ZNG1B: variants seen among roughly 807,000 people sequenced by gnomAD.
ZNG1B encodes Zn regulated GTPase metalloprotein activator 1B.
At chr2:113,494,743 C>T in the ZNG1B span, 1 of 911,726 alleles carries the variant, frequency 1.1e-6, no homozygotes. Flanking sequence ...AACTTCTCAA[C>T]TTTTCCCACT....
At chr2:113,453,374 T>C in the ZNG1B span, among the ~76,000 whole-genome samples, 1 of 152,020 alleles carries the variant, frequency 6.6e-6, no homozygotes, top group Non-Finnish European at 1.5e-5. Context: ...TGCCTCAGCC[T>C]CCCGAGTAGC....
At chr2:113,488,817 A>G in the ZNG1B span, among the ~76,000 whole-genome samples, 2 of 152,122 alleles carry the variant, frequency 1.3e-5, no homozygotes, top group Non-Finnish European at 2.9e-5. Context: ...AATAAAGACA[A>G]AGAAAAAAGA....
chr2:113,493,758 G>A, the ZNG1B span: 1 of 1,423,908 alleles, frequency 7.0e-7, no homozygotes, highest in Non-Finnish European at 9.4e-7. Context: ...GATTTACAGA[G>A]TATTGTTACA....
chr2:113,475,544 G>T, the ZNG1B span, among the ~76,000 whole-genome samples: 3 of 151,360 alleles, frequency 2.0e-5, no homozygotes, highest in Admixed American at 2.0e-4. Flanking sequence ...GATGTTAGCT[G>T]GTTATTTTGC....
At chr2:113,493,332 C>A in the ZNG1B span, among the ~76,000 whole-genome samples, 1 of 127,186 alleles carries the variant, frequency 7.9e-6, no homozygotes, top group Non-Finnish European at 1.7e-5. Flanking sequence ...AAATAGTTAT[C>A]TTCACTCCCC....
chr2:113,482,625 AT>A, the ZNG1B span, among the ~76,000 whole-genome samples: 1 of 62,256 alleles, frequency 1.6e-5, no homozygotes, highest in Non-Finnish European at 3.2e-5. Flanking sequence ...TTAAATAAAA[AT>A]TGACTTGGAG....
chr2:113,445,025 C>CTG, the ZNG1B span: 1 of 1,610,638 alleles, frequency 6.2e-7, no homozygotes, highest in Non-Finnish European at 8.5e-7. Flanking sequence ...TGATTACATA[C>CTG]TGTTAGAGAC....
the ZNG1B span, chr2:113,457,001 C>A: frequency 2.2e-6 from 1 of 454,550 alleles, no homozygotes; most frequent in Non-Finnish European, 4.4e-6. Context: ...TAATTGATAT[C>A]ATGGGGTATC....
the ZNG1B span, among the ~76,000 whole-genome samples, chr2:113,468,340 T>C: frequency 6.6e-6 from 1 of 151,382 alleles, no homozygotes; most frequent in East Asian, 2.0e-4. Context: ...CACTGGAAAA[T>C]ATCCCTAAGC....
At chr2:113,440,780 A>G in the ZNG1B span, among the ~76,000 whole-genome samples, 2 of 145,450 alleles carry the variant, frequency 1.4e-5, no homozygotes, top group Non-Finnish European at 3.0e-5. Context: ...AATACTATGC[A>G]GTTAGGATTT....
At chr2:113,442,464 G>A in the ZNG1B span, among the ~76,000 whole-genome samples, 2 of 152,060 alleles carry the variant, frequency 1.3e-5, no homozygotes, top group African/African-American at 2.4e-5. Flanking sequence ...GAACAGGATG[G>A]GAAGCCAGTT....
At chr2:113,464,463 C>A in the ZNG1B span, among the ~76,000 whole-genome samples, 1 of 124,612 alleles carries the variant, frequency 8.0e-6, no homozygotes, top group African/African-American at 2.9e-5. Context: ...TGATGATAGG[C>A]AATGGAAAAG....
the ZNG1B span, among the ~76,000 whole-genome samples, chr2:113,440,689 A>G: frequency 6.6e-6 from 1 of 150,670 alleles, no homozygotes; most frequent in African/African-American, 2.4e-5. Context: ...GCAGCACTGT[A>G]ATAGTAAAAC....
the ZNG1B span, chr2:113,455,560 A>G: frequency 7.8e-7 from 1 of 1,285,610 alleles, no homozygotes; most frequent in Non-Finnish European, 1.0e-6. Flanking sequence ...TCCCAAGTGA[A>G]ATACCACTAA....
chr2:113,468,371 C>G, the ZNG1B span, among the ~76,000 whole-genome samples: 1 of 151,324 alleles, frequency 6.6e-6, no homozygotes. Context: ...ATTCCACCCC[C>G]ACCTTGGAGA....
chr2:113,484,476 T>G, the ZNG1B span, among the ~76,000 whole-genome samples: 1 of 152,098 alleles, frequency 6.6e-6, no homozygotes, highest in African/African-American at 2.4e-5. Flanking sequence ...TCTGCCATTT[T>G]CTCAAATATT....
At chr2:113,438,496 C>T in the ZNG1B span, among the ~76,000 whole-genome samples, 2 of 152,238 alleles carry the variant, frequency 1.3e-5, no homozygotes, top group Non-Finnish European at 1.5e-5. Flanking sequence ...CAAAGTCCTC[C>T]AGCCAGTTGG....
the ZNG1B span, among the ~76,000 whole-genome samples, chr2:113,453,754 T>TAA: frequency 9.2e-5 from 11 of 119,980 alleles, no homozygotes; most frequent in African/African-American, 3.0e-4. Context: ...AGGTTTTCTT[T>TAA]AAAAAAAAAA....
chr2:113,448,674 G>C, the ZNG1B span, among the ~76,000 whole-genome samples: 8,191 of 152,116 alleles, frequency 0.054, 584 homozygotes, highest in African/African-American at 0.18. Context: ...GGAGGCCGAG[G>C]TGGGCAGATA....
Sources: allele counts gnomAD v4.1 joint callset (sites outside exome capture counted in the v4.1 genomes callset), GRCh38; gene constraint gnomAD v4.1.1; transcripts MANE v1.5; gene names NCBI Gene and HGNC (gene_info 2026-07-23, HGNC 2026-07-21).